ST6GALNAC5: variants seen among roughly 807,000 people sequenced by gnomAD.
The protein encoded by ST6GALNAC5 is ST6 N-acetylgalactosaminide alpha-2,6-sialyltransferase 5, also known as alpha-N-acetylgalactosaminide alpha-2,6-sialyltransferase 5.
ST6GALNAC5 carries 27 observed loss-of-function variants against 33.6 expected under a neutral mutation model. The ratio of observed to expected loss-of-function variants is 0.80; its 90% CI spans 0.59 to 1.11. The LOEUF is 1.11. ST6GALNAC5 is among the 50% of genes least tolerant of loss of function. The probability of loss-of-function intolerance (pLI) is 0.00; values close to 1 mark genes in which losing one functional copy is unlikely to be tolerated. For missense variants in ST6GALNAC5, 428 were observed against 454.0 expected, an observed-to-expected ratio of 0.94 and a Z score of 0.52; for synonymous variants, 194 against 171.2, an observed-to-expected ratio of 1.13 and a Z score of -1.04.
intron 2 of ST6GALNAC5, among the ~76,000 whole-genome samples, chr1:76,958,093 C>G (rs1648077029): frequency 6.6e-6 from 1 of 152,310 alleles, no homozygotes; most frequent in South Asian, 2.1e-4. Context: ...GCTGTCTACT[C>G]TGGTTGCCTG....
intron 2 of ST6GALNAC5, among the ~76,000 whole-genome samples, chr1:76,938,240 C>T (rs1443509159): frequency 6.6e-6 from 1 of 151,928 alleles, no homozygotes; most frequent in Non-Finnish European, 1.5e-5. Flanking sequence ...GCTGCCATGC[C>T]AGGGAAAGGG....
chr1:77,036,892 A>G (rs1444101821), intron 2 of ST6GALNAC5, among the ~76,000 whole-genome samples: 1 of 152,196 alleles, frequency 6.6e-6, no homozygotes, highest in African/African-American at 2.4e-5. Context: ...TTAAACAAAA[A>G]CCTGGATGAT....
chr1:77,048,071 T>A (rs1226180527), intron 3 of ST6GALNAC5, among the ~76,000 whole-genome samples: 1 of 152,244 alleles, frequency 6.6e-6, no homozygotes, highest in African/African-American at 2.4e-5. Flanking sequence ...AGTGTTACTT[T>A]AAAGAACTCT....
chr1:77,003,389 G>A (rs1166538561), intron 2 of ST6GALNAC5, among the ~76,000 whole-genome samples: 1 of 148,752 alleles, frequency 6.7e-6, no homozygotes, highest in East Asian at 2.0e-4. Context: ...GTGTGTCTCT[G>A]CACGTGAGAT....
intron 2 of ST6GALNAC5, among the ~76,000 whole-genome samples, chr1:76,986,384 A>G (rs1557749242): frequency 6.6e-6 from 1 of 152,250 alleles, no homozygotes; most frequent in Non-Finnish European, 1.5e-5. Context: ...AAAAGAAGAC[A>G]TCTATGCAGC....
chr1:77,012,999 G>A (rs1650695589), intron 2 of ST6GALNAC5, among the ~76,000 whole-genome samples: 1 of 152,118 alleles, frequency 6.6e-6, no homozygotes, highest in African/African-American at 2.4e-5. Flanking sequence ...CCCAAAGAAG[G>A]AGGCTTTGCA....
chr1:76,995,539 T>C (rs999214995), intron 2 of ST6GALNAC5: 1 of 152,088 alleles, frequency 6.6e-6, no homozygotes, highest in Non-Finnish European at 1.5e-5. Flanking sequence ...AAAATCAGTC[T>C]CTCCTTCCTC....
rs191266527 is a variant in ST6GALNAC5, at chr1:76,884,001, A to G, written c.261+15259A>G. Among the ~76,000 whole-genome samples the G allele has an allele frequency of 3.7e-3, 559 of 152,336 alleles. 2 individuals are homozygous for G. The highest frequency in any genetic ancestry group is 4.3e-3 in the Non-Finnish European group (290 of 68,030). On this transcript the variant is annotated intron_variant, in intron 2 of 4. Transcript: ENST00000477717. ...AGTCTTTAAAAGGTAAATTAGAGGA[A>G]TAACTCCATCAGATATGTGTGCCAG...
chr1:76,934,849 T>G (rs1465725563), intron 2 of ST6GALNAC5, among the ~76,000 whole-genome samples: 1 of 152,060 alleles, frequency 6.6e-6, no homozygotes, highest in East Asian at 1.9e-4. Flanking sequence ...CTCTGTTGGG[T>G]CTTCAATGAC....
At chr1:76,876,011 TTG>T (rs1653630992) in intron 2 of ST6GALNAC5, among the ~76,000 whole-genome samples, 1 of 152,160 alleles carries the variant, frequency 6.6e-6, no homozygotes, top group Non-Finnish European at 1.5e-5. Context: ...TCAGAGGCAA[TTG>T]TGTGTGGAAT....
At chr1:77,061,802 C>T (rs1022647062) in intron 4 of ST6GALNAC5, among the ~76,000 whole-genome samples, 1 of 152,158 alleles carries the variant, frequency 6.6e-6, no homozygotes, top group African/African-American at 2.4e-5. Flanking sequence ...ACATGTTAAT[C>T]CTATGCACAC....
At chr1:76,992,992 A>G (rs17099793) in intron 2 of ST6GALNAC5, among the ~76,000 whole-genome samples, 2 of 152,164 alleles carry the variant, frequency 1.3e-5, no homozygotes, top group African/African-American at 2.4e-5. Context: ...AGTTCTTAGC[A>G]TGGAAATCAG....
chr1:76,877,333 G>A (rs1347812766), intron 2 of ST6GALNAC5, among the ~76,000 whole-genome samples: 2 of 152,182 alleles, frequency 1.3e-5, no homozygotes, highest in Non-Finnish European at 2.9e-5. Flanking sequence ...AGAGCAGCTT[G>A]CACAGCAGCC....
rs375568617 is a variant in ST6GALNAC5, at chr1:77,036,258, G to A, written c.262-7946G>A. On this transcript the variant is annotated intron_variant, in intron 2 of 4. Transcript: ENST00000477717. ...AGTAGATTAGTGGTTGCCTAGGGCT[G>A]GACATGGAAGGGACAGTGACTATAA... is the stretch of plus-strand genomic sequence containing the variant. Among the ~76,000 whole-genome samples the A allele has an allele frequency of 3.5e-4, 53 of 152,284 alleles. 1 individual carries two copies. In the Middle Eastern group the frequency reaches 0.02, roughly 59 times the overall value.
rs552249824 is a variant in ST6GALNAC5 at position 76,929,581 on chromosome 1, A to T, written c.261+60839A>T. ...CTGCATCTGGAGCTTTGCTACTTGG[A>T]TCATAGTGTAGCAGAGATGCATGGT... On this transcript the variant is annotated intron_variant, in intron 2 of 4. Coordinates refer to ENST00000477717, the MANE Select transcript of ST6GALNAC5 (RefSeq NM_030965.3). Among the ~76,000 whole-genome samples, 5 of 152,194 alleles carry T rather than the reference A, an allele frequency of 3.3e-5. No homozygotes were observed. The South Asian group carries it at 6.2e-4, about 19-fold the overall frequency.
At chr1:76,962,463 G>A (rs899664989) in intron 2 of ST6GALNAC5, among the ~76,000 whole-genome samples, 2 of 152,184 alleles carry the variant, frequency 1.3e-5, no homozygotes, top group South Asian at 2.1e-4. Context: ...AATGTCACCT[G>A]CTTTCATTTT....
chr1:77,001,115 T>C (rs1290357483), intron 2 of ST6GALNAC5, among the ~76,000 whole-genome samples: 1 of 151,854 alleles, frequency 6.6e-6, no homozygotes, highest in African/African-American at 2.4e-5. Context: ...TGATTCTTCC[T>C]ACCCATGAGC....
chr1:76,924,134 C>A (rs979247676), intron 2 of ST6GALNAC5, among the ~76,000 whole-genome samples: 1 of 151,988 alleles, frequency 6.6e-6, no homozygotes, highest in South Asian at 2.1e-4. Context: ...AGGAAAGGAC[C>A]TTTACCTCCA....
At chr1:76,907,184 T>A (rs1646871429) in intron 2 of ST6GALNAC5, among the ~76,000 whole-genome samples, 3 of 152,230 alleles carry the variant, frequency 2.0e-5, no homozygotes, top group South Asian at 4.2e-4. Context: ...GATCCAAGAC[T>A]CAACTCTCCT....
Sources: allele counts gnomAD v4.1 joint callset (sites outside exome capture counted in the v4.1 genomes callset), GRCh38; gene constraint gnomAD v4.1.1; transcripts MANE v1.5; gene names NCBI Gene and HGNC (gene_info 2026-07-23, HGNC 2026-07-21).